The following APP variants were observed in gnomAD, a reference collection of about 807,000 sequenced individuals.
The protein encoded by APP is amyloid-beta precursor protein.
A neutral mutation model predicts 101.4 loss-of-function variants in APP; 31 were observed. The observed-to-expected ratio is 0.31, with a 90% CI of 0.23 to 0.41. The LOEUF is 0.41. Among genes scored for constraint, APP ranks in the 10% least tolerant of loss-of-function variants. The probability of loss-of-function intolerance (pLI) is 1.00; values close to 1 mark genes in which losing one functional copy is unlikely to be tolerated. For synonymous variants in APP, 366 were observed against 364.4 expected, an observed-to-expected ratio of 1.00 and a Z score of -0.05; for missense variants, 839 against 1,003.7, an observed-to-expected ratio of 0.84 and a Z score of 2.22.
At chr21:26,151,802 G>T (rs989565010) in intron 1 of APP, among the ~76,000 whole-genome samples, 1 of 152,148 alleles carries the variant, frequency 6.6e-6, no homozygotes, top group East Asian at 1.9e-4. Flanking sequence ...CTACTGCTGT[G>T]CAGCAAAGCT....
chr21:25,992,159 G>T (rs2042890862), intron 8 of APP, among the ~76,000 whole-genome samples: 1 of 152,208 alleles, frequency 6.6e-6, no homozygotes, highest in African/African-American at 2.4e-5. Flanking sequence ...GAAGCTGGTG[G>T]ATCACTTCAG....
chr21:26,005,325 A>C (rs1434802626), intron 6 of APP, among the ~76,000 whole-genome samples: 3 of 152,158 alleles, frequency 2.0e-5, no homozygotes, highest in Admixed American at 6.5e-5. Context: ...GAAGCACTGG[A>C]ATCACTTGAA....
chr21:26,126,899 T>C (rs768390620), intron 1 of APP, among the ~76,000 whole-genome samples: 8 of 151,460 alleles, frequency 5.3e-5, no homozygotes, highest in Non-Finnish European at 1.2e-4. Flanking sequence ...AAAACATAAT[T>C]AATCCAACTG....
intron 13 of APP, among the ~76,000 whole-genome samples, chr21:25,926,030 A>T (rs140300883): frequency 2.0e-5 from 3 of 152,378 alleles, no homozygotes; most frequent in African/African-American, 7.2e-5. Context: ...GAGCCAAGAA[A>T]CAATACTGCC....
chr21:25,886,183 T>A (rs1286465573), intron 17 of APP, among the ~76,000 whole-genome samples: 1 of 151,246 alleles, frequency 6.6e-6, no homozygotes, highest in Non-Finnish European at 1.5e-5. Flanking sequence ...AAAAAAAAAA[T>A]AAAAGCAAAG....
At chr21:26,046,813 AG>A (rs1452656538) in intron 5 of APP, among the ~76,000 whole-genome samples, 2 of 152,196 alleles carry the variant, frequency 1.3e-5, no homozygotes, top group African/African-American at 4.8e-5. Context: ...CCAGGTGAGG[AG>A]CAGCTCTGCC....
intron 2 of APP, among the ~76,000 whole-genome samples, chr21:26,092,920 G>C (rs59072180): frequency 0.016 from 2,394 of 152,278 alleles, 55 homozygotes; most frequent in African/African-American, 0.054. Context: ...TAAACTCAGT[G>C]GTAGAGGTAT....
intron 2 of APP, among the ~76,000 whole-genome samples, chr21:26,105,387 T>C (rs1018021296): frequency 6.6e-6 from 1 of 152,210 alleles, no homozygotes; most frequent in Non-Finnish European, 1.5e-5. Flanking sequence ...GGTAAGATTA[T>C]AACTTTGAAA....
intron 11 of APP, 31 bp from the exon 12 acceptor site, chr21:25,955,786 A>G: frequency 6.2e-7 from 1 of 1,613,784 alleles, no homozygotes; most frequent in Non-Finnish European, 8.5e-7. Flanking sequence ...ACTCTTTTTC[A>G]AGTTTGTGCA....
At chr21:25,955,865 G>GT in intron 11 of APP, 110 bp from the exon 12 acceptor site, 1 of 1,479,544 alleles carries the variant, frequency 6.8e-7, no homozygotes, top group Non-Finnish European at 9.4e-7. Context: ...TGAACGTACT[G>GT]TGAGTCACCT....
intron 2 of APP, 64 bp from the exon 3 acceptor site, chr21:26,090,136 T>C: frequency 6.2e-7 from 1 of 1,604,998 alleles, no homozygotes; most frequent in Non-Finnish European, 8.5e-7. Context: ...TACAAGCATC[T>C]AACAAGCCTC....
At chr21:26,126,916 T>C (rs553749461) in intron 1 of APP, among the ~76,000 whole-genome samples, 3 of 151,394 alleles carry the variant, frequency 2.0e-5, no homozygotes, top group East Asian at 3.9e-4. Context: ...ACTGACATCA[T>C]ATAAAACAAT....
In APP at chr21:26,044,151, G is replaced by A. The variant is rs572859917; in HGVS notation, c.662+6849C>T. Among the ~76,000 whole-genome samples, 4 of 152,208 alleles carry A rather than the reference G, an allele frequency of 2.6e-5. No homozygotes were observed. The South Asian group carries it at 8.3e-4, about 32-fold the overall frequency. ...AAAGTACTGCATCATCTTTCAAGAT[G>A]GTTTAAAAAAAGTCTGCATAGTCCC... On this transcript the variant is annotated intron_variant, in intron 5 of 17. Coordinates refer to ENST00000346798, the MANE Select transcript of APP (RefSeq NM_000484.4).
intron 5 of APP, among the ~76,000 whole-genome samples, chr21:26,033,939 C>G (rs1304772997): frequency 6.6e-6 from 1 of 152,160 alleles, no homozygotes; most frequent in East Asian, 1.9e-4. Flanking sequence ...CAGCTTTGAT[C>G]ATGGTAGACT....
chr21:26,108,668 G>A (rs569816792), intron 2 of APP, among the ~76,000 whole-genome samples: 6 of 152,156 alleles, frequency 3.9e-5, no homozygotes, highest in South Asian at 2.1e-4. Context: ...AGGGTGGATC[G>A]CAAGGTCAGG....
intron 6 of APP, among the ~76,000 whole-genome samples, chr21:26,017,922 AGATCTTGCAATCGTGT>A (rs1321975368): frequency 1.3e-5 from 2 of 152,210 alleles, no homozygotes; most frequent in Non-Finnish European, 2.9e-5. Context: ...AAAACCAGAT[AGATCTTGCAATCGTGT>A]GCTCACTTTT....
chr21:25,895,275 C>CT (rs539790523), intron 16 of APP, among the ~76,000 whole-genome samples: 80 of 151,914 alleles, frequency 5.3e-4, no homozygotes, highest in Middle Eastern at 3.4e-3. Context: ...AAGAGATTCT[C>CT]TTGCCTCAGC....
At chr21:26,068,650 T>C (rs1037050864) in intron 3 of APP, among the ~76,000 whole-genome samples, 1 of 152,240 alleles carries the variant, frequency 6.6e-6, no homozygotes, top group African/African-American at 2.4e-5. Context: ...ATTCTAGGCA[T>C]GGGCCACTGA....
chr21:26,088,826 A>G (rs1295360653), intron 3 of APP, among the ~76,000 whole-genome samples: 1 of 152,208 alleles, frequency 6.6e-6, no homozygotes, highest in Non-Finnish European at 1.5e-5. Flanking sequence ...TGTTTAAGAA[A>G]TCTAGTTTTC....
Sources: gnomAD v4.1 joint callset for allele counts (sites outside exome capture counted in the v4.1 genomes callset) on GRCh38, gnomAD v4.1.1 for gene constraint, MANE v1.5 for transcripts, NCBI Gene and HGNC (gene_info 2026-07-23, HGNC 2026-07-21) for gene names.